ATP8B4: variants seen among roughly 807,000 people sequenced by gnomAD.
ATP8B4 encodes probable phospholipid-transporting ATPase IM.
Under a neutral mutation model 145.6 loss-of-function variants are expected in ATP8B4, and 133 were observed. The ratio of observed to expected loss-of-function variants is 0.91; its 90% CI spans 0.79 to 1.05. The LOEUF is 1.05. Among genes scored for constraint, ATP8B4 ranks in the 50% least tolerant of loss-of-function variants. The probability of loss-of-function intolerance (pLI) is 0.00; values close to 1 mark genes in which losing one functional copy is unlikely to be tolerated. For synonymous variants in ATP8B4, 507 were observed against 492.9 expected, an observed-to-expected ratio of 1.03 and a Z score of -0.38; for missense variants, 1,458 against 1,425.2, an observed-to-expected ratio of 1.02 and a Z score of -0.37.
rs144384493 is a variant in ATP8B4, at chr15:50,026,804, C to G, written c.362+11964G>C. On this transcript the variant is annotated intron_variant, in intron 6 of 27. Coordinates refer to ENST00000284509, the MANE Select transcript of ATP8B4 (RefSeq NM_024837.4). ...GGGGTAGAAAGACAACAGAGGTTCT[C>G]ACTGCTGTGTTGCCCAAGAGTCTTA... is the stretch of plus-strand genomic sequence containing the variant. 8.9e-4 allele frequency among the ~76,000 whole-genome samples: 136 copies of G among 152,180 alleles called. 2 individuals carry two copies. The East Asian group carries it at 0.025, about 28-fold the overall frequency.
chr15:49,985,683 G>A (rs1169702516), intron 10 of ATP8B4, among the ~76,000 whole-genome samples: 1 of 152,170 alleles, frequency 6.6e-6, no homozygotes, highest in Non-Finnish European at 1.5e-5. Flanking sequence ...TCTCCCTGCT[G>A]CCTGCTGCCA....
chr15:49,981,067 A>G (rs1363712831), intron 11 of ATP8B4, 139 bp downstream of exon 11: 1 of 627,310 alleles, frequency 1.6e-6, no homozygotes. Flanking sequence ...AGAAGGCAGT[A>G]TAACTGAGCC....
chr15:49,914,687 C>A (rs2039559062), intron 20 of ATP8B4, among the ~76,000 whole-genome samples: 1 of 152,034 alleles, frequency 6.6e-6, no homozygotes, highest in African/African-American at 2.4e-5. Flanking sequence ...AAATAAGACA[C>A]ACAAATAGCC....
At chr15:49,870,184 G>T (rs1377905205) in intron 25 of ATP8B4, among the ~76,000 whole-genome samples, 1 of 152,150 alleles carries the variant, frequency 6.6e-6, no homozygotes, top group African/African-American at 2.4e-5. Flanking sequence ...AATTAAGATA[G>T]ATCTGAATGT....
intron 2 of ATP8B4, among the ~76,000 whole-genome samples, chr15:50,085,515 A>G (rs559245401): frequency 7.2e-5 from 11 of 152,222 alleles, no homozygotes; most frequent in African/African-American, 2.6e-4. Flanking sequence ...GTGCCGTAAC[A>G]TAAGAATCTA....
intron 6 of ATP8B4, 125 bp downstream of exon 6, chr15:50,038,643 A>T (rs1357344827): frequency 1.4e-6 from 1 of 725,622 alleles, no homozygotes; most frequent in Non-Finnish European, 2.2e-6. Flanking sequence ...ATTAAAGTTC[A>T]ATTTTTAATA....
At chr15:50,134,191 G>C (rs540381575) in intron 1 of ATP8B4, among the ~76,000 whole-genome samples, 1 of 151,028 alleles carries the variant, frequency 6.6e-6, no homozygotes, top group African/African-American at 2.4e-5. Flanking sequence ...AGAGGGAAAT[G>C]GAAAAAAAGA....
chr15:49,956,281 ACACT>A (rs1235589301), intron 14 of ATP8B4, among the ~76,000 whole-genome samples: 6 of 152,282 alleles, frequency 3.9e-5, no homozygotes, highest in East Asian at 1.9e-4. Context: ...TATACACAAG[ACACT>A]CAGTTACTTA....
chr15:49,932,202 C>A (rs970988706), intron 15 of ATP8B4, among the ~76,000 whole-genome samples: 20 of 151,456 alleles, frequency 1.3e-4, no homozygotes, highest in Admixed American at 1.3e-3. Flanking sequence ...ACTATGAGTT[C>A]TTTTTGTTAA....
intron 19 of ATP8B4, chr15:49,917,364 A>T: frequency 4.5e-6 from 1 of 223,294 alleles, no homozygotes; most frequent in Non-Finnish European, 8.7e-6. Flanking sequence ...AATATGTACA[A>T]ATATAAAACC....
chr15:49,915,274 A>G (rs1486912527), intron 20 of ATP8B4, among the ~76,000 whole-genome samples: 1 of 152,194 alleles, frequency 6.6e-6, no homozygotes, highest in East Asian at 1.9e-4. Flanking sequence ...CATAGAGAGT[A>G]GAATGATAGA....
intron 2 of ATP8B4, among the ~76,000 whole-genome samples, chr15:50,081,424 T>C (rs1320794612): frequency 2.0e-5 from 3 of 152,210 alleles, no homozygotes; most frequent in Non-Finnish European, 2.9e-5. Flanking sequence ...AATATGATTA[T>C]TTCCCAAGAA....
intron 13 of ATP8B4, among the ~76,000 whole-genome samples, chr15:49,964,650 A>G (rs1350857703): frequency 6.6e-6 from 1 of 152,210 alleles, no homozygotes; most frequent in Non-Finnish European, 1.5e-5. Context: ...AAGAGTCTAA[A>G]GGGATTACTT....
intron 10 of ATP8B4, 133 bp downstream of exon 10, chr15:49,987,258 A>T: frequency 9.1e-7 from 1 of 1,103,108 alleles, no homozygotes; most frequent in Non-Finnish European, 1.2e-6. Context: ...CTACAATCTT[A>T]AGTCAACTCC....
intron 14 of ATP8B4, among the ~76,000 whole-genome samples, chr15:49,958,093 GA>G (rs1012306389): frequency 2.0e-5 from 3 of 151,184 alleles, no homozygotes; most frequent in Non-Finnish European, 4.4e-5. Context: ...AAATTAGGGA[GA>G]AAAAAACCCT....
intron 8 of ATP8B4, among the ~76,000 whole-genome samples, chr15:49,998,839 C>T (rs1341730298): frequency 6.6e-6 from 1 of 152,166 alleles, no homozygotes; most frequent in Non-Finnish European, 1.5e-5. Flanking sequence ...AATGGTAATG[C>T]TTAGGTTTTC....
At chr15:50,049,657 G>A (rs981948862) in intron 3 of ATP8B4, among the ~76,000 whole-genome samples, 2 of 152,150 alleles carry the variant, frequency 1.3e-5, no homozygotes, top group Non-Finnish European at 2.9e-5. Flanking sequence ...TTTCCATTGG[G>A]TGTATACCCA....
intron 1 of ATP8B4, among the ~76,000 whole-genome samples, chr15:50,163,617 T>C (rs1368451189): frequency 6.6e-6 from 1 of 152,114 alleles, no homozygotes; most frequent in Non-Finnish European, 1.5e-5. Context: ...CCAAGGCCTA[T>C]GGTGACAACT....
chr15:50,110,407 A>G (rs183536101), intron 1 of ATP8B4, among the ~76,000 whole-genome samples: 97 of 152,272 alleles, frequency 6.4e-4, no homozygotes, highest in African/African-American at 2.3e-3. Flanking sequence ...TTATCAACTC[A>G]CCGAAATACC....
Sources: allele counts gnomAD v4.1 joint callset (sites outside exome capture counted in the v4.1 genomes callset), GRCh38; gene constraint gnomAD v4.1.1; transcripts MANE v1.5; gene names NCBI Gene and HGNC (gene_info 2026-07-23, HGNC 2026-07-21).